PREX2: variants seen among roughly 807,000 people sequenced by gnomAD.
PREX2 encodes phosphatidylinositol-3,4,5-trisphosphate dependent Rac exchange factor 2.
A neutral mutation model predicts 203.2 loss-of-function variants in PREX2; 107 were observed. The observed-to-expected ratio is 0.53, with a 90% CI of 0.45 to 0.62. The LOEUF is 0.62. Ranked by LOEUF, PREX2 falls within the 20% of genes least tolerant of loss-of-function variation. PREX2 has a pLI of 0.00. For synonymous variants in PREX2, 672 were observed against 663.6 expected (o/e 1.01, Z -0.19); for missense variants, 1,777 against 1,955.9 (o/e 0.91, Z 1.72).
chr8:68,109,028 G>A (rs1810477754), intron 24 of PREX2: 1 of 453,688 alleles, frequency 2.2e-6, no homozygotes, highest in South Asian at 1.6e-5. Flanking sequence ...GTAGAATGGT[G>A]AGTAGCAGGG....
intron 35 of PREX2, among the ~76,000 whole-genome samples, chr8:68,157,698 A>C (rs186221078): frequency 1.2e-4 from 18 of 152,250 alleles, no homozygotes; most frequent in Admixed American, 9.8e-4. Context: ...TTAAATATGT[A>C]GTAGACCGTT....
intron 27 of PREX2, 122 bp from the exon 28 acceptor site, chr8:68,119,310 T>C: frequency 1.6e-6 from 1 of 635,212 alleles, no homozygotes; most frequent in East Asian, 2.8e-5. Context: ...ACATGAGAAC[T>C]GTGCATGGAA....
At chr8:68,026,337 A>G (rs947864677) in intron 4 of PREX2, among the ~76,000 whole-genome samples, 5 of 143,490 alleles carry the variant, frequency 3.5e-5, no homozygotes, top group Non-Finnish European at 5.9e-5. Flanking sequence ...AGTGAACCTG[A>G]AACAGTATTT....
At chr8:68,194,629 A>G (rs1374265528) in intron 37 of PREX2, among the ~76,000 whole-genome samples, 16 of 62,896 alleles carry the variant, frequency 2.5e-4, no homozygotes, top group Non-Finnish European at 5.4e-4. Context: ...CATCTCTACT[A>G]AAAAAAAAAA....
rs1204632073 is a variant in PREX2 at position 68,070,697 on chromosome 8, A to C, written c.1493+813A>C. Among the ~76,000 whole-genome samples, 3 of 152,178 alleles carry C rather than the reference A, an allele frequency of 2.0e-5. No individual in the cohort carries two copies. In the East Asian group the frequency reaches 5.8e-4, roughly 29 times the overall value. On this transcript the variant is annotated intron_variant, in intron 13 of 39. Coordinates refer to ENST00000288368, the MANE Select transcript of PREX2 (RefSeq NM_024870.4). ...ATAAAAATGCTTTTCAATCTTGGCT[A>C]TAAAATCCAAATGTTTAGTGTTTCT...
intron 1 of PREX2, among the ~76,000 whole-genome samples, chr8:67,969,369 C>T (rs556566068): frequency 6.6e-6 from 1 of 152,270 alleles, no homozygotes; most frequent in African/African-American, 2.4e-5. Flanking sequence ...AGCCCACTCT[C>T]AGGTATTCTG....
chr8:68,105,282 TC>T, intron 23 of PREX2: 1 of 1,367,770 alleles, frequency 7.3e-7, no homozygotes, highest in Non-Finnish European at 9.8e-7. Flanking sequence ...CTTAGGAATA[TC>T]CCAGGATGGA....
Position 68,120,266 on chromosome 8 carries a change from C to T in PREX2, c.3575C>T (p.Thr1192Ile), listed in dbSNP as rs1417055685. 3 of 1,613,422 alleles carry T rather than the reference C, an allele frequency of 1.9e-6. No homozygotes were observed. The highest frequency in any genetic ancestry group is 1.3e-5 in the African/African-American group (1 of 74,884). The change falls in exon 29 of 40, where the codon ACT (threonine) becomes ATT (isoleucine). Residue 1192 changes from threonine to isoleucine, a missense_variant. Coordinates refer to ENST00000288368, the MANE Select transcript of PREX2 (RefSeq NM_024870.4). ...GCCTTTGACCAAACCAAGTATCTCA[C>T]TCCAGGCCGAGGATTGCAAGGTAAG... ...VRAFDQTKYL[T>I]PGRGLQEFQQ...
chr8:68,117,182 T>C (rs1471229300), intron 26 of PREX2, among the ~76,000 whole-genome samples: 4 of 152,020 alleles, frequency 2.6e-5, no homozygotes, highest in African/African-American at 7.2e-5. Flanking sequence ...ATCAAACACA[T>C]GGGGGAAAGA....
intron 35 of PREX2, among the ~76,000 whole-genome samples, chr8:68,175,106 G>A (rs924806059): frequency 1.3e-5 from 2 of 152,198 alleles, no homozygotes; most frequent in African/African-American, 2.4e-5. Context: ...GATGCCCGAG[G>A]AGCACAGAAC....
chr8:68,131,649 G>A (rs553362458), intron 31 of PREX2, among the ~76,000 whole-genome samples: 2 of 152,286 alleles, frequency 1.3e-5, no homozygotes, highest in Non-Finnish European at 2.9e-5. Flanking sequence ...AATGCAAATA[G>A]TATATAGTAG....
Position 68,081,329 on chromosome 8 carries a change from C to T in PREX2, c.1878+491C>T, listed in dbSNP as rs368508664. On this transcript the variant is annotated intron_variant, in intron 17 of 39. Coordinates refer to ENST00000288368, the MANE Select transcript of PREX2 (RefSeq NM_024870.4). Reference sequence around the variant, plus strand: ...AGCTCAGGGTTTGTGCTCACTCGCCCGCCGCTCACCTCCTTTTGTGCGTCT... The same window carrying T: ...AGCTCAGGGTTTGTGCTCACTCGCCTGCCGCTCACCTCCTTTTGTGCGTCT... 1.6e-4 allele frequency among the ~76,000 whole-genome samples: 24 copies of T among 152,220 alleles called. 1 individual carries two copies. In the East Asian group the frequency reaches 1.9e-3, roughly 12 times the overall value.
chr8:68,181,322 A>T (rs1008752976), intron 35 of PREX2, among the ~76,000 whole-genome samples: 2 of 152,138 alleles, frequency 1.3e-5, no homozygotes, highest in Non-Finnish European at 2.9e-5. Context: ...TGCTAGTGAC[A>T]TCTTTCTAAT....
chr8:68,145,335 A>T (rs944894009), intron 33 of PREX2, among the ~76,000 whole-genome samples: 10 of 152,158 alleles, frequency 6.6e-5, no homozygotes, highest in Non-Finnish European at 1.5e-4. Context: ...AAATAGATAG[A>T]TTTAATAAGG....
intron 35 of PREX2, among the ~76,000 whole-genome samples, chr8:68,161,465 T>C (rs1222001685): frequency 6.6e-6 from 1 of 152,162 alleles, no homozygotes; most frequent in African/African-American, 2.4e-5. Flanking sequence ...CCCCAGATCC[T>C]GACCCTGCAT....
intron 7 of PREX2, among the ~76,000 whole-genome samples, chr8:68,041,731 A>G (rs1188775993): frequency 6.6e-6 from 1 of 152,050 alleles, no homozygotes; most frequent in East Asian, 1.9e-4. Flanking sequence ...AGAAACTGTA[A>G]TGTGAATCAA....
intron 35 of PREX2, among the ~76,000 whole-genome samples, chr8:68,158,967 A>G (rs932772595): frequency 1.3e-5 from 2 of 152,166 alleles, no homozygotes; most frequent in Admixed American, 6.6e-5. Context: ...TCGTCAATTT[A>G]GTTTCATCAG....
At chr8:68,011,287 A>C (rs1026375284) in intron 1 of PREX2, among the ~76,000 whole-genome samples, 2 of 152,096 alleles carry the variant, frequency 1.3e-5, no homozygotes, top group African/African-American at 4.8e-5. Flanking sequence ...CTATTTTAAA[A>C]CTTAGAACTC....
intron 24 of PREX2, among the ~76,000 whole-genome samples, chr8:68,108,714 T>C (rs563034155): frequency 2.6e-5 from 4 of 152,272 alleles, no homozygotes; most frequent in African/African-American, 7.2e-5. Context: ...GGGATCAAAC[T>C]ATCCTCTAGT....
Sources: gnomAD v4.1 joint callset for allele counts (sites outside exome capture counted in the v4.1 genomes callset) on GRCh38, gnomAD v4.1.1 for gene constraint, MANE v1.5 for transcripts, NCBI Gene and HGNC (gene_info 2026-07-23, HGNC 2026-07-21) for gene names.